Variants in RORB observed in about 807,000 individuals in gnomAD.
RORB encodes the protein RAR related orphan receptor B, also known as nuclear receptor ROR-beta.
RORB carries 6 observed loss-of-function variants against 59.1 expected under a neutral mutation model. The ratio of observed to expected loss-of-function variants is 0.10; its 90% CI spans 0.06 to 0.20. RORB has a LOEUF of 0.20. Among genes scored for constraint, RORB ranks in the 10% least tolerant of loss-of-function variants. The probability of loss-of-function intolerance (pLI) is 1.00; values close to 1 mark genes in which losing one functional copy is unlikely to be tolerated. For synonymous variants in RORB, 215 were observed against 204.5 expected, an observed-to-expected ratio of 1.05 and a Z score of -0.44; for missense variants, 320 against 560.5, an observed-to-expected ratio of 0.57 and a Z score of 4.33.
chr9:74,512,976 C>A (rs1246181134), intron 1 of RORB, among the ~76,000 whole-genome samples: 1 of 152,060 alleles, frequency 6.6e-6, no homozygotes, highest in African/African-American at 2.4e-5. Flanking sequence ...AATGAATGAG[C>A]AAAATCGTCT....
In RORB at chr9:74,497,607, T is replaced by C. The variant is rs1470310488; in HGVS notation, c.-370T>C. The C allele has an allele frequency of 3.3e-6, 1 of 307,560 alleles. No homozygotes were observed. Among genetic ancestry groups the C allele is most frequent in the Non-Finnish European group, 6.0e-6 (1 of 165,530 alleles). The allele number at this position is 307,560 out of a possible 1,614,324, so 19.1% of individuals were successfully genotyped here. ...AGTCCAAGTGATCACAAAAGAAATC[T>C]TCTGAGCCGGAGGCGGTGGCATTTT... On this transcript the variant is annotated 5_prime_UTR_variant, in exon 1 of 10. Transcript: ENST00000376896.
intron 1 of RORB, among the ~76,000 whole-genome samples, chr9:74,544,876 G>T (rs544302363): frequency 6.6e-6 from 1 of 152,274 alleles, no homozygotes; most frequent in South Asian, 2.1e-4. Flanking sequence ...AACTTTGAAA[G>T]CAGATCTTTA....
intron 4 of RORB, 88 bp downstream of exon 4, chr9:74,642,903 A>C: frequency 1.0e-6 from 1 of 970,968 alleles, no homozygotes; most frequent in Non-Finnish European, 1.5e-6. Context: ...TTTTCTTAAG[A>C]CTTAAATTGA....
In RORB at chr9:74,549,570, A is replaced by G. The variant is rs1326112638; in HGVS notation, c.7+51587A>G. Among the ~76,000 whole-genome samples the G allele has an allele frequency of 5.5e-3, 356 of 64,254 alleles. 4 individuals carry two copies. The highest frequency in any genetic ancestry group is 9.2e-3 in the Non-Finnish European group (260 of 28,188). The allele number at this position is 64,254 out of a possible 152,430, so 42.2% of individuals were successfully genotyped here. ...GAGGGAAGGAAGGAAGGAAGGAAGG[A>G]AGGAAGGAAGGAAGGAAGGAAGGAA... On this transcript the variant is annotated intron_variant, in intron 1 of 9. Transcript: ENST00000376896.
At position 74,644,975 on chromosome 9, in the gene RORB, A is replaced by C. The variant is rs150742888; in HGVS notation, c.637+2160A>C. On this transcript the variant is annotated intron_variant, in intron 4 of 9. Coordinates refer to ENST00000376896, the MANE Select transcript of RORB (RefSeq NM_006914.4). ...CAGAACTGGACTAGAGAATCTCAAAATTTATCCAGACACTCTGCACAGACA... is the reference window on the plus strand; with the variant it reads ...CAGAACTGGACTAGAGAATCTCAAACTTTATCCAGACACTCTGCACAGACA... Among the ~76,000 whole-genome samples, 455 of 152,266 alleles carry C rather than the reference A, an allele frequency of 3.0e-3. 1 individual carries two copies. Among genetic ancestry groups the C allele is most frequent in the Non-Finnish European group, 4.4e-3 (300 of 68,022 alleles).
At chr9:74,646,785 C>A (rs955278887) in intron 4 of RORB, among the ~76,000 whole-genome samples, 1 of 152,130 alleles carries the variant, frequency 6.6e-6, no homozygotes, top group Non-Finnish European at 1.5e-5. Flanking sequence ...AAGAGCAGAA[C>A]GAGGTTTCTG....
chr9:74,545,761 C>G (rs1047682809), intron 1 of RORB, among the ~76,000 whole-genome samples: 12 of 151,938 alleles, frequency 7.9e-5, no homozygotes, highest in Non-Finnish European at 1.6e-4. Context: ...GAATATTAAC[C>G]TGCTATATGG....
chr9:74,526,781 T>C (rs569654610), intron 1 of RORB, among the ~76,000 whole-genome samples: 1 of 152,030 alleles, frequency 6.6e-6, no homozygotes, highest in African/African-American at 2.4e-5. Flanking sequence ...ACATGGGAGA[T>C]GCTCATGGCT....
At position 74,529,484 on chromosome 9, in the gene RORB, G is replaced by A. The variant is rs550792926; in HGVS notation, c.7+31501G>A. Among the ~76,000 whole-genome samples, 10 of 151,748 alleles carry A rather than the reference G, an allele frequency of 6.6e-5. No homozygotes were observed. The South Asian group carries it at 1.7e-3, about 25-fold the overall frequency. ...AATATTTCAATCTTTGAAAATTGAG[G>A]CTTTCTTTGCCTCAACTTCTCATCT... is the stretch of plus-strand genomic sequence containing the variant. On this transcript the variant is annotated intron_variant, in intron 1 of 9. Coordinates refer to ENST00000376896, the MANE Select transcript of RORB (RefSeq NM_006914.4).
chr9:74,558,414 C>T (rs1025048892), intron 1 of RORB, among the ~76,000 whole-genome samples: 3 of 152,118 alleles, frequency 2.0e-5, no homozygotes, highest in East Asian at 3.8e-4. Context: ...CTTTCACTAC[C>T]TTTTTAACTT....
In RORB at chr9:74,531,376, T is replaced by C. The variant is rs138063624; in HGVS notation, c.7+33393T>C. Among the ~76,000 whole-genome samples the C allele has an allele frequency of 4.1e-3, 621 of 152,096 alleles. 3 individuals carry two copies. Among genetic ancestry groups the C allele is most frequent in the African/African-American group, 0.014 (585 of 41,534 alleles). ...TCCATGTGCACAGCCAAATCAAAAGTGGCCCCAAAGTTTTCAGTTTTCTAT... is the reference window on the plus strand; with the variant it reads ...TCCATGTGCACAGCCAAATCAAAAGCGGCCCCAAAGTTTTCAGTTTTCTAT... On this transcript the variant is annotated intron_variant, in intron 1 of 9. Coordinates refer to ENST00000376896, the MANE Select transcript of RORB (RefSeq NM_006914.4).
chr9:74,562,725 T>C (rs558564607), intron 1 of RORB, among the ~76,000 whole-genome samples: 5 of 152,350 alleles, frequency 3.3e-5, no homozygotes, highest in Admixed American at 2.6e-4. Context: ...TTAGCAAGAA[T>C]GAGAGCACAC....
In RORB at chr9:74,497,748, C is replaced by A; in HGVS notation, c.-229C>A. ...CCCTTCCTGAAAACAAACAAACAAA[C>A]AAACAATCATCAAAACAGTCACCAC... On this transcript the variant is annotated 5_prime_UTR_variant, in exon 1 of 10. Coordinates refer to ENST00000376896, the MANE Select transcript of RORB (RefSeq NM_006914.4). The A allele has an allele frequency of 2.0e-6, 1 of 495,104 alleles. No individual in the cohort carries two copies. 30.7% of individuals were successfully genotyped at this position (495,104 alleles called of 1,614,324 possible).
intron 3 of RORB, among the ~76,000 whole-genome samples, chr9:74,636,238 T>A (rs187231412): frequency 1.8e-4 from 27 of 152,326 alleles, no homozygotes; most frequent in Admixed American, 1.7e-3. Flanking sequence ...ACTTTGCACT[T>A]CATTTCTACC....
At chr9:74,677,942 G>A (rs1824473127) in intron 9 of RORB, among the ~76,000 whole-genome samples, 1 of 152,146 alleles carries the variant, frequency 6.6e-6, no homozygotes, top group Non-Finnish European at 1.5e-5. Flanking sequence ...AATAAACATA[G>A]ATGAGATACA....
At chr9:74,681,133 G>A (rs1407253427) in intron 9 of RORB, among the ~76,000 whole-genome samples, 1 of 152,150 alleles carries the variant, frequency 6.6e-6, no homozygotes. Context: ...GGAATTTCAC[G>A]ATGATTTAAA....
Position 74,674,465 on chromosome 9 carries a change from C to A in RORB, c.1224+2564C>A, listed in dbSNP as rs569745663. 4.0e-4 allele frequency among the ~76,000 whole-genome samples: 61 copies of A among 152,314 alleles called. 1 individual carries two copies. Among genetic ancestry groups the A allele is most frequent in the African/African-American group, 1.3e-3 (53 of 41,560 alleles). On this transcript the variant is annotated intron_variant, in intron 9 of 9. Transcript: ENST00000376896. ...CTGTGTCGTGTGCAAAAGATTATTT[C>A]TACCGCTGACCTGTTCAACTCTGAA...
chr9:74,570,706 C>G (rs1219877400), intron 1 of RORB, among the ~76,000 whole-genome samples: 1 of 147,978 alleles, frequency 6.8e-6, no homozygotes, highest in Admixed American at 6.8e-5. Context: ...TGTGCTACAG[C>G]TTATGAATTT....
chr9:74,598,520 T>C (rs1032788043), intron 1 of RORB, among the ~76,000 whole-genome samples: 6 of 152,324 alleles, frequency 3.9e-5, no homozygotes, highest in African/African-American at 1.4e-4. Context: ...CAAAGTATAG[T>C]TTATATTTGT....
Sources: allele counts gnomAD v4.1 joint callset (sites outside exome capture counted in the v4.1 genomes callset), GRCh38; gene constraint gnomAD v4.1.1; transcripts MANE v1.5; gene names NCBI Gene and HGNC (gene_info 2026-07-23, HGNC 2026-07-21).